PLXDC2: variants seen among roughly 807,000 people sequenced by gnomAD.
PLXDC2 encodes plexin domain containing 2, also known as plexin domain-containing protein 2.
PLXDC2 carries 40 observed loss-of-function variants against 68.9 expected under a neutral mutation model. The ratio of observed to expected loss-of-function variants is 0.58; its 90% CI spans 0.45 to 0.76. PLXDC2 has a LOEUF of 0.76. Among genes scored for constraint, PLXDC2 ranks in the 30% least tolerant of loss-of-function variants. The pLI, the probability that PLXDC2 is intolerant of heterozygous loss-of-function variation, is 0.00. For missense variants in PLXDC2, 644 were observed against 661.9 expected, an observed-to-expected ratio of 0.97 and a Z score of 0.30; for synonymous variants, 243 against 234.2, an observed-to-expected ratio of 1.04 and a Z score of -0.34.
chr10:20,221,778 A>T (rs1043446470), intron 12 of PLXDC2, among the ~76,000 whole-genome samples: 1 of 152,218 alleles, frequency 6.6e-6, no homozygotes, highest in African/African-American at 2.4e-5. Context: ...GGTAATAATG[A>T]ATAAGTGTGC....
chr10:20,257,739 A>T (rs1835759710), intron 13 of PLXDC2, among the ~76,000 whole-genome samples: 1 of 152,322 alleles, frequency 6.6e-6, no homozygotes, highest in South Asian at 2.1e-4. Flanking sequence ...GAAGAAAGTG[A>T]CATAGAGCCA....
chr10:19,947,727 C>G (rs1288730472), intron 1 of PLXDC2, among the ~76,000 whole-genome samples: 1 of 109,154 alleles, frequency 9.2e-6, no homozygotes, highest in Admixed American at 1.1e-4. Context: ...TTTTTTTGCA[C>G]AGTTCTAGTG....
At chr10:20,136,481 C>A (rs576733689) in intron 4 of PLXDC2, among the ~76,000 whole-genome samples, 1 of 152,272 alleles carries the variant, frequency 6.6e-6, no homozygotes, top group East Asian at 1.9e-4. Context: ...AACTTGTCCA[C>A]CACCAACACT....
chr10:19,969,177 A>G (rs1834310290), intron 1 of PLXDC2, among the ~76,000 whole-genome samples: 2 of 152,174 alleles, frequency 1.3e-5, no homozygotes. Context: ...GAAACATGTG[A>G]TGGAAGGCAA....
chr10:19,916,023 A>G (rs1041859883), intron 1 of PLXDC2, among the ~76,000 whole-genome samples: 1 of 152,072 alleles, frequency 6.6e-6, no homozygotes, highest in Non-Finnish European at 1.5e-5. Flanking sequence ...TGCATCCTAG[A>G]AAGTACAAAG....
At chr10:20,196,796 C>T (rs539465341) in intron 9 of PLXDC2, among the ~76,000 whole-genome samples, 14 of 152,284 alleles carry the variant, frequency 9.2e-5, no homozygotes, top group Non-Finnish European at 1.6e-4. Flanking sequence ...AACTATTTCA[C>T]GTTCAAACAG....
At chr10:19,866,705 G>T (rs1183964525) in intron 1 of PLXDC2, among the ~76,000 whole-genome samples, 1 of 152,158 alleles carries the variant, frequency 6.6e-6, no homozygotes, top group Non-Finnish European at 1.5e-5. Context: ...AGGAGAATAG[G>T]CTGCTACTGC....
intron 1 of PLXDC2, among the ~76,000 whole-genome samples, chr10:19,860,668 CA>C (rs1837302150): frequency 6.6e-6 from 1 of 152,126 alleles, no homozygotes; most frequent in South Asian, 2.1e-4. Context: ...CTACTATACC[CA>C]GGGCCCAGCA....
At chr10:19,939,230 A>G (rs895208936) in intron 1 of PLXDC2, among the ~76,000 whole-genome samples, 3 of 152,220 alleles carry the variant, frequency 2.0e-5, no homozygotes, top group Non-Finnish European at 2.9e-5. Flanking sequence ...GTGCTTCATA[A>G]ATTAATGAAA....
In PLXDC2 at chr10:20,285,906, T is replaced by C. The variant is rs1481231204; in HGVS notation, c.*6087T>C. 1.3e-5 allele frequency: 2 copies of C among 152,232 alleles called. No homozygotes were observed. The highest frequency in any genetic ancestry group is 2.4e-5 in the African/African-American group (1 of 41,472). The allele number at this position is 152,232 out of a possible 1,614,324, so 9.4% of individuals were successfully genotyped here. On this transcript the variant is annotated 3_prime_UTR_variant, in exon 14 of 14. Coordinates refer to ENST00000377252, the MANE Select transcript of PLXDC2 (RefSeq NM_032812.9). ...CCATTGTCATATCATAACATGGTAT[T>C]ACTTCTTAAGGTTTTGATTAAGTTG...
At chr10:20,072,493 G>GAGAGAAAGAA (rs1836343451) in intron 4 of PLXDC2, among the ~76,000 whole-genome samples, 1 of 80,704 alleles carries the variant, frequency 1.2e-5, no homozygotes, top group Admixed American at 1.5e-4. Context: ...AAGAAAGAAA[G>GAGAGAAAGAA]AGAAAGAAAG....
chr10:19,869,339 G>A (rs372654132), intron 1 of PLXDC2, among the ~76,000 whole-genome samples: 37 of 151,924 alleles, frequency 2.4e-4, no homozygotes, highest in African/African-American at 8.0e-4. Flanking sequence ...TGGGAGGATG[G>A]CTGGAGCCTG....
At chr10:19,959,865 A>G (rs1415146403) in intron 1 of PLXDC2, among the ~76,000 whole-genome samples, 1 of 152,136 alleles carries the variant, frequency 6.6e-6, no homozygotes, top group Non-Finnish European at 1.5e-5. Flanking sequence ...CACAGCCAGG[A>G]TTTCTGAAAA....
chr10:20,159,055 G>A (rs1834256053), intron 6 of PLXDC2, among the ~76,000 whole-genome samples: 2 of 152,046 alleles, frequency 1.3e-5, no homozygotes, highest in Admixed American at 6.6e-5. Flanking sequence ...TAGAAATCCT[G>A]GGCTCTTACT....
intron 1 of PLXDC2, among the ~76,000 whole-genome samples, chr10:19,950,426 G>A (rs1486177163): frequency 6.6e-6 from 1 of 152,032 alleles, no homozygotes; most frequent in African/African-American, 2.4e-5. Flanking sequence ...CACACATACA[G>A]TATCCCTAGG....
At chr10:20,224,070 T>G (rs1293187598) in intron 12 of PLXDC2, among the ~76,000 whole-genome samples, 1 of 151,434 alleles carries the variant, frequency 6.6e-6, no homozygotes. Flanking sequence ...CACCTTTTGG[T>G]TCAAGCGATT....
chr10:19,883,045 C>T (rs985379699), intron 1 of PLXDC2, among the ~76,000 whole-genome samples: 8 of 151,558 alleles, frequency 5.3e-5, no homozygotes, highest in African/African-American at 1.9e-4. Flanking sequence ...CAAGCTCCGC[C>T]TCCCGGGTTC....
chr10:20,228,875 C>G (rs1426122095), intron 12 of PLXDC2, among the ~76,000 whole-genome samples: 1 of 152,058 alleles, frequency 6.6e-6, no homozygotes, highest in Non-Finnish European at 1.5e-5. Context: ...AAAAAAAACA[C>G]ACACAGAAAA....
At chr10:19,885,196 G>T (rs910157472) in intron 1 of PLXDC2, among the ~76,000 whole-genome samples, 54 of 151,900 alleles carry the variant, frequency 3.6e-4, no homozygotes, top group African/African-American at 1.3e-3. Context: ...TTTTTGATGG[G>T]GTTGTTTGTT....
Sources: gnomAD v4.1 joint callset for allele counts (sites outside exome capture counted in the v4.1 genomes callset) on GRCh38, gnomAD v4.1.1 for gene constraint, MANE v1.5 for transcripts, NCBI Gene and HGNC (gene_info 2026-07-23, HGNC 2026-07-21) for gene names.